The following SAMTOR variants were observed in gnomAD, a reference collection of about 807,000 sequenced individuals.
SAMTOR encodes UPF0532 protein C7orf60.
chr7:112,923,697 A>T, the SAMTOR span, among the ~76,000 whole-genome samples: 31 of 152,000 alleles, frequency 2.0e-4, no homozygotes, highest in African/African-American at 7.2e-4. Flanking sequence ...TACTGGGTAT[A>T]TACCCAAAGG....
At chr7:112,903,962 T>TA in the SAMTOR span, among the ~76,000 whole-genome samples, 46 of 147,720 alleles carry the variant, frequency 3.1e-4, no homozygotes, top group South Asian at 4.3e-4. Flanking sequence ...TTAAATCACT[T>TA]AAAAAAAAAA....
At chr7:112,851,519 C>T in the SAMTOR span, among the ~76,000 whole-genome samples, 1 of 152,106 alleles carries the variant, frequency 6.6e-6, no homozygotes, top group Admixed American at 6.6e-5. Context: ...GAACTCATAT[C>T]TCTTGCCATA....
chr7:112,885,063 A>G, the SAMTOR span, among the ~76,000 whole-genome samples: 1 of 152,154 alleles, frequency 6.6e-6, no homozygotes, highest in Admixed American at 6.5e-5. Context: ...TGGGACTTGC[A>G]CCCTCTGAAG....
At chr7:112,924,595 C>G in the SAMTOR span, among the ~76,000 whole-genome samples, 1 of 152,062 alleles carries the variant, frequency 6.6e-6, no homozygotes, top group African/African-American at 2.4e-5. Context: ...GGGCTATGTA[C>G]TCATATACAA....
At chr7:112,860,684 C>T in the SAMTOR span, among the ~76,000 whole-genome samples, 4 of 151,820 alleles carry the variant, frequency 2.6e-5, no homozygotes, top group Non-Finnish European at 5.9e-5. Flanking sequence ...GGGTGGATCA[C>T]GAGGTCAGGG....
chr7:112,849,384 C>T, the SAMTOR span, among the ~76,000 whole-genome samples: 2 of 152,140 alleles, frequency 1.3e-5, no homozygotes, highest in African/African-American at 4.8e-5. Flanking sequence ...TTTACCTACA[C>T]TTTACTAGTA....
chr7:112,824,251 C>T, the SAMTOR span, among the ~76,000 whole-genome samples: 1 of 152,116 alleles, frequency 6.6e-6, no homozygotes, highest in African/African-American at 2.4e-5. Context: ...AAGTCTTTTC[C>T]TATCCCAAGG....
the SAMTOR span, chr7:112,822,491 T>C: frequency 4.5e-6 from 4 of 897,274 alleles, no homozygotes; most frequent in Admixed American, 6.3e-5. Context: ...ATTATACATT[T>C]TTCCTTTTAA....
At chr7:112,841,454 T>C in the SAMTOR span, among the ~76,000 whole-genome samples, 5 of 152,102 alleles carry the variant, frequency 3.3e-5, no homozygotes, top group Non-Finnish European at 7.4e-5. Flanking sequence ...GGAAAAACAT[T>C]CTATCCTAAT....
chr7:112,845,333 A>C, the SAMTOR span, among the ~76,000 whole-genome samples: 1 of 152,182 alleles, frequency 6.6e-6, no homozygotes, highest in Non-Finnish European at 1.5e-5. Flanking sequence ...AATATTTACA[A>C]ACTATGCATT....
chr7:112,921,167 G>A, the SAMTOR span, among the ~76,000 whole-genome samples: 3 of 152,188 alleles, frequency 2.0e-5, no homozygotes, highest in South Asian at 2.1e-4. Flanking sequence ...GAACAAAGCT[G>A]GAGGCATCAC....
At chr7:112,831,579 C>T in the SAMTOR span, among the ~76,000 whole-genome samples, 3 of 152,100 alleles carry the variant, frequency 2.0e-5, no homozygotes, top group East Asian at 1.9e-4. Flanking sequence ...CACTGGAACC[C>T]GGGAGGCATA....
At chr7:112,872,945 G>A in the SAMTOR span, among the ~76,000 whole-genome samples, 9 of 151,104 alleles carry the variant, frequency 6.0e-5, no homozygotes, top group Non-Finnish European at 8.8e-5. Flanking sequence ...GTGTGTGCAC[G>A]TGCGTGCACA....
chr7:112,901,100 A>C, the SAMTOR span, among the ~76,000 whole-genome samples: 1 of 152,248 alleles, frequency 6.6e-6, no homozygotes, highest in East Asian at 1.9e-4. Flanking sequence ...AATGAAAAGA[A>C]AAGCCACAGA....
At chr7:112,865,045 G>C in the SAMTOR span, among the ~76,000 whole-genome samples, 1 of 152,058 alleles carries the variant, frequency 6.6e-6, no homozygotes, top group Non-Finnish European at 1.5e-5. Flanking sequence ...TGAGCCACCA[G>C]CCCTGGCCTA....
the SAMTOR span, chr7:112,939,743 G>A: frequency 6.3e-7 from 1 of 1,599,464 alleles, no homozygotes; most frequent in Non-Finnish European, 8.5e-7. Context: ...GCCGGCCCCT[G>A]GCTCCATATC....
chr7:112,827,210 T>G, the SAMTOR span, among the ~76,000 whole-genome samples: 2 of 152,216 alleles, frequency 1.3e-5, no homozygotes, highest in African/African-American at 4.8e-5. Flanking sequence ...ATTTGGGTCT[T>G]GGCTTTTTTC....
chr7:112,916,206 A>G, the SAMTOR span, among the ~76,000 whole-genome samples: 1 of 152,232 alleles, frequency 6.6e-6, no homozygotes, highest in Non-Finnish European at 1.5e-5. Flanking sequence ...ACTACCTTTT[A>G]TTTAAATAAA....
At chr7:112,855,606 C>A in the SAMTOR span, among the ~76,000 whole-genome samples, 1 of 152,126 alleles carries the variant, frequency 6.6e-6, no homozygotes, top group Non-Finnish European at 1.5e-5. Context: ...ACCCATATTT[C>A]TTAGATCACT....
Sources: allele counts gnomAD v4.1 joint callset (sites outside exome capture counted in the v4.1 genomes callset), GRCh38; gene constraint gnomAD v4.1.1; transcripts MANE v1.5; gene names NCBI Gene and HGNC (gene_info 2026-07-23, HGNC 2026-07-21).